Variants in ATP8A2 observed in about 807,000 individuals in gnomAD.
ATP8A2 encodes ATPase phospholipid transporting 8A2.
Under a neutral mutation model 165.6 loss-of-function variants are expected in ATP8A2, and 100 were observed. The ratio of observed to expected loss-of-function variants is 0.60; its 90% CI spans 0.51 to 0.71. ATP8A2 has a LOEUF of 0.71. Among genes scored for constraint, ATP8A2 ranks in the 30% least tolerant of loss-of-function variants. The pLI, the probability that ATP8A2 is intolerant of heterozygous loss-of-function variation, is 0.00. For missense variants in ATP8A2, 1,227 were observed against 1,479.5 expected, an observed-to-expected ratio of 0.83 and a Z score of 2.80; for synonymous variants, 543 against 548.8, an observed-to-expected ratio of 0.99 and a Z score of 0.15.
At chr13:25,507,554 C>T (rs2037090238) in intron 2 of ATP8A2, among the ~76,000 whole-genome samples, 1 of 152,072 alleles carries the variant, frequency 6.6e-6, no homozygotes, top group Non-Finnish European at 1.5e-5. Flanking sequence ...GTGTCAGCCA[C>T]TGTGCCTGGC....
intron 2 of ATP8A2, among the ~76,000 whole-genome samples, chr13:25,471,061 T>C (rs1294981400): frequency 1.3e-5 from 2 of 152,228 alleles, no homozygotes; most frequent in Non-Finnish European, 2.9e-5. Context: ...CTAAACCATT[T>C]GGAATCCTGC....
intron 35 of ATP8A2, among the ~76,000 whole-genome samples, chr13:26,011,058 C>T (rs1382094737): frequency 1.3e-5 from 2 of 152,098 alleles, no homozygotes; most frequent in African/African-American, 2.4e-5. Context: ...ACTGATCGAT[C>T]GGGGGCAGGG....
rs146076941 is a variant in ATP8A2 at position 25,720,403 on chromosome 13, C to A, written c.2384+21058C>A. ...GGTCTCAATCTCCTGACCTTGTGATCCGCCTGCCTCGGCCTCCCAAAGTGC... is the reference window on the plus strand; with the variant it reads ...GGTCTCAATCTCCTGACCTTGTGATACGCCTGCCTCGGCCTCCCAAAGTGC... On this transcript the variant is annotated intron_variant, in intron 25 of 36. Transcript: ENST00000381655. Among the ~76,000 whole-genome samples the A allele has an allele frequency of 0.02, 3,106 of 152,110 alleles. 206 individuals are homozygous for A. In the East Asian group the frequency reaches 0.24, roughly 12 times the overall value.
chr13:25,653,310 G>A (rs2041856406), intron 24 of ATP8A2, among the ~76,000 whole-genome samples: 1 of 152,152 alleles, frequency 6.6e-6, no homozygotes, highest in Non-Finnish European at 1.5e-5. Context: ...AGGAACATGG[G>A]TGGAGCTGGA....
At chr13:25,729,635 ATG>A (rs1242211068) in intron 25 of ATP8A2, among the ~76,000 whole-genome samples, 1 of 152,074 alleles carries the variant, frequency 6.6e-6, no homozygotes, top group East Asian at 1.9e-4. Context: ...CAAGGTGTGC[ATG>A]AAGTCGGTCC....
intron 24 of ATP8A2, among the ~76,000 whole-genome samples, chr13:25,636,768 T>A (rs1038162511): frequency 1.3e-5 from 2 of 152,128 alleles, no homozygotes; most frequent in African/African-American, 4.8e-5. Context: ...TCTAAACAAC[T>A]TTTGGTTTAG....
intron 35 of ATP8A2, among the ~76,000 whole-genome samples, chr13:25,968,898 G>A (rs1955849684): frequency 6.6e-6 from 1 of 151,680 alleles, no homozygotes; most frequent in African/African-American, 2.4e-5. Context: ...GTTTTATTGG[G>A]TTTAGAAGTG....
intron 28 of ATP8A2, among the ~76,000 whole-genome samples, chr13:25,830,040 G>T (rs1284872615): frequency 7.0e-6 from 1 of 142,964 alleles, no homozygotes; most frequent in African/African-American, 2.6e-5. Context: ...ACTGGGTCTT[G>T]TTCTGTCACC....
chr13:25,481,590 A>T (rs1325545128), intron 2 of ATP8A2, among the ~76,000 whole-genome samples: 1 of 152,186 alleles, frequency 6.6e-6, no homozygotes, highest in African/African-American at 2.4e-5. Flanking sequence ...ACAGACAGGG[A>T]GGGTACCACT....
chr13:25,829,858 T>G (rs1951419653), intron 28 of ATP8A2, among the ~76,000 whole-genome samples: 2 of 150,766 alleles, frequency 1.3e-5, no homozygotes, highest in African/African-American at 4.9e-5. Context: ...CTACTACAGA[T>G]AAGATGCTGA....
intron 1 of ATP8A2, among the ~76,000 whole-genome samples, chr13:25,386,986 G>C (rs980442269): frequency 2.1e-5 from 2 of 95,700 alleles, no homozygotes; most frequent in Non-Finnish European, 5.6e-5. Flanking sequence ...GTCAGAGCGA[G>C]ACTCCATCTC....
intron 33 of ATP8A2, among the ~76,000 whole-genome samples, chr13:25,937,469 G>A (rs1482295347): frequency 6.7e-6 from 1 of 148,458 alleles, no homozygotes; most frequent in South Asian, 2.1e-4. Context: ...TCTGAAAACA[G>A]CTTCCATTCT....
chr13:25,384,854 T>G (rs1166033555), intron 1 of ATP8A2, among the ~76,000 whole-genome samples: 1 of 152,184 alleles, frequency 6.6e-6, no homozygotes, highest in Non-Finnish European at 1.5e-5. Context: ...CCCATCCCAG[T>G]TTTTTGGCAG....
intron 27 of ATP8A2, among the ~76,000 whole-genome samples, chr13:25,810,940 A>C (rs1156800509): frequency 1.3e-5 from 2 of 152,114 alleles, no homozygotes; most frequent in African/African-American, 2.4e-5. Context: ...AATTCTGATT[A>C]TGTTTATATT....
chr13:25,399,751 C>CGTTCTCCT (rs1484217679), intron 1 of ATP8A2, among the ~76,000 whole-genome samples: 1 of 151,204 alleles, frequency 6.6e-6, no homozygotes, highest in African/African-American at 2.4e-5. Flanking sequence ...TCCTCTTCCT[C>CGTTCTCCT]CTTCTCCTCT....
At chr13:25,676,889 G>A (rs867940518) in intron 24 of ATP8A2, among the ~76,000 whole-genome samples, 22 of 152,170 alleles carry the variant, frequency 1.4e-4, no homozygotes, top group Middle Eastern at 3.2e-3. Flanking sequence ...AAACAAAAAG[G>A]TGTCTTATGT....
At chr13:25,648,518 G>T (rs565615640) in intron 24 of ATP8A2, among the ~76,000 whole-genome samples, 1 of 152,244 alleles carries the variant, frequency 6.6e-6, no homozygotes, top group South Asian at 2.1e-4. Flanking sequence ...ACAAAGATTA[G>T]CTGGGTGTGG....
At chr13:25,642,777 G>A (rs1020494937) in intron 24 of ATP8A2, among the ~76,000 whole-genome samples, 16 of 152,078 alleles carry the variant, frequency 1.1e-4, no homozygotes, top group African/African-American at 3.1e-4. Flanking sequence ...TGTTTATTGC[G>A]GCACTATTCA....
chr13:25,545,824 G>A (rs2038632315), intron 10 of ATP8A2, among the ~76,000 whole-genome samples: 1 of 152,028 alleles, frequency 6.6e-6, no homozygotes, highest in African/African-American at 2.4e-5. Context: ...TTGTAGAGAC[G>A]GGATTTCACC....
Sources: allele counts gnomAD v4.1 joint callset (sites outside exome capture counted in the v4.1 genomes callset), GRCh38; gene constraint gnomAD v4.1.1; transcripts MANE v1.5; gene names NCBI Gene and HGNC (gene_info 2026-07-23, HGNC 2026-07-21).